The following CFAP100 variants were observed in gnomAD, a reference collection of about 807,000 sequenced individuals.
CFAP100 encodes the protein cilia- and flagella-associated protein 100.
In CFAP100, 70 loss-of-function variants were observed where a neutral mutation model predicts 81.5. The ratio of observed to expected loss-of-function variants is 0.86; its 90% CI spans 0.71 to 1.05. The LOEUF (loss-of-function observed/expected upper bound fraction) is 1.05, where lower values mean the gene tolerates loss of function less well. Ranked by LOEUF, CFAP100 falls within the 50% of genes least tolerant of loss-of-function variation. The pLI is 0.00. For synonymous variants in CFAP100, 341 were observed against 314.8 expected (o/e 1.08, Z -0.88); for missense variants, 811 against 776.5 (o/e 1.04, Z -0.53).
intron 2 of CFAP100, among the ~76,000 whole-genome samples, chr3:126,399,613 T>C (rs1366909874): frequency 6.6e-6 from 1 of 152,104 alleles, no homozygotes; most frequent in Non-Finnish European, 1.5e-5. Context: ...GAATAGCCCA[T>C]AAATGAAGCC....
In CFAP100 at chr3:126,433,126, C is replaced by A; in HGVS notation, c.1344C>A (p.Thr448=). ...QWVTTMMMSI[T]KEEDTAAELE... ...TCACCACAATGATGATGTCCATCAC[C>A]AAGGAGGAGGACACAGCAGCTGAGC... The change falls in exon 14 of 17, where the codon ACC becomes ACA. Residue 448 remains threonine, a synonymous_variant. Transcript: ENST00000352312. 6.2e-7 allele frequency: 1 copy of A among 1,614,226 alleles called. No homozygotes were observed. The highest frequency in any genetic ancestry group is 1.3e-5 in the African/African-American group (1 of 75,056).
intron 13 of CFAP100, among the ~76,000 whole-genome samples, chr3:126,427,323 G>C (rs898571870): frequency 6.6e-6 from 1 of 152,166 alleles, no homozygotes; most frequent in African/African-American, 2.4e-5. Flanking sequence ...AATTGGAATA[G>C]AATAGAGAGC....
At position 126,407,179 on chromosome 3, in the gene CFAP100, C is replaced by T; in HGVS notation, c.57C>T (p.Ser19=). 6.2e-7 allele frequency: 1 copy of T among 1,613,356 alleles called. No individual in the cohort carries two copies. The highest frequency in any genetic ancestry group is 1.3e-5 in the African/African-American group (1 of 75,004). Residue 19 remains serine (S), a synonymous_variant, in exon 3 of 17, where the codon AGC becomes AGT. Transcript: ENST00000352312. ...VSKNMTNDKN[S]LESMNISSSS... is the part of the protein sequence containing the mutation. ...ACTTTTGTGTCTCCTCAGAGAACAG[C>T]CTGGAATCCATGAACATCAGCTCTT...
chr3:126,421,395 G>A (rs545214303), intron 11 of CFAP100, among the ~76,000 whole-genome samples: 1 of 152,338 alleles, frequency 6.6e-6, no homozygotes, highest in South Asian at 2.1e-4. Flanking sequence ...TATAATTGGT[G>A]AATTTGGGGC....
Position 126,418,728 on chromosome 3 carries a change from G to T in CFAP100, c.604G>T (p.Glu202Ter). Residue 202 changes from glutamate (E) to a stop codon, truncating the protein, a stop_gained, in exon 7 of 17, where the codon GAG becomes TAG. Transcript: ENST00000352312. LOFTEE classifies it high-confidence loss of function. The stretch of plus-strand genomic sequence containing the variant: ...GGAGAAGGACGCCGCCTTGTTCGAC[G>T]AGTTCGTCAGGGAGAATGACTGCAG... ...SLEKDAALFD[E>*]FVRENDCSSV... 6.3e-7 allele frequency: 1 copy of T among 1,596,700 alleles called. No individual in the cohort carries two copies. Among genetic ancestry groups the T allele is most frequent in the African/African-American group, 1.3e-5 (1 of 74,598 alleles).
intron 2 of CFAP100, among the ~76,000 whole-genome samples, chr3:126,397,320 C>T (rs1311012536): frequency 6.6e-6 from 1 of 152,200 alleles, no homozygotes; most frequent in Non-Finnish European, 1.5e-5. Context: ...CCCACCATTA[C>T]ACTTAGGTGT....
chr3:126,435,044 G>A (rs1933388128), intron 15 of CFAP100, among the ~76,000 whole-genome samples: 1 of 152,160 alleles, frequency 6.6e-6, no homozygotes, highest in Non-Finnish European at 1.5e-5. Flanking sequence ...CTCTGAGACA[G>A]CGCAATCTGC....
At chr3:126,404,159 C>A (rs1421818617) in intron 2 of CFAP100, among the ~76,000 whole-genome samples, 2 of 152,182 alleles carry the variant, frequency 1.3e-5, no homozygotes, top group African/African-American at 4.8e-5. Context: ...TTAAGAAATG[C>A]AGATGAAAAC....
At chr3:126,408,790 T>C (rs1393130069) in intron 3 of CFAP100, among the ~76,000 whole-genome samples, 2 of 152,082 alleles carry the variant, frequency 1.3e-5, no homozygotes, top group Non-Finnish European at 2.9e-5. Flanking sequence ...CATCTATCCC[T>C]TTCCTTTTTT....
At position 126,422,141 on chromosome 3, in the gene CFAP100, C is replaced by A. The variant is rs544353205; in HGVS notation, c.1083-1184C>A. On this transcript the variant is annotated intron_variant, in intron 11 of 16. Transcript: ENST00000352312. ...AGGCACTCACTCAGCCAAGAGGGAA[C>A]ATGGGGGCTGAAGTCCAGCCCATGC... Among the ~76,000 whole-genome samples, 168 of 152,330 alleles carry A rather than the reference C, an allele frequency of 1.1e-3. 1 individual carries two copies. Among genetic ancestry groups the A allele is most frequent in the African/African-American group, 3.5e-3 (144 of 41,582 alleles).
At chr3:126,407,136 G>A (rs1337374486) in intron 2 of CFAP100, 36 bp from the exon 3 acceptor site, 4 of 1,494,384 alleles carry the variant, frequency 2.7e-6, no homozygotes, top group Non-Finnish European at 3.7e-6. Context: ...GGCCAGGGGA[G>A]TCACTGCTGC....
intron 2 of CFAP100, among the ~76,000 whole-genome samples, chr3:126,406,472 G>C (rs1010471656): frequency 9.2e-5 from 14 of 152,330 alleles, no homozygotes; most frequent in Non-Finnish European, 2.1e-4. Context: ...GGATCTCCGA[G>C]CTGCAAAGTA....
rs964804169 is a variant in CFAP100, at chr3:126,397,744, G to A, written c.49+1695G>A. Among the ~76,000 whole-genome samples the A allele has an allele frequency of 3.3e-5, 5 of 152,370 alleles. No individual in the cohort carries two copies. In the East Asian group the frequency reaches 9.7e-4, roughly 29 times the overall value. ...GGACCTGGCCAGGGGCTTCAGTCAA[G>A]AGGACTGCTGAGCTCTGTGTCCTGG... is the stretch of plus-strand genomic sequence containing the variant. On this transcript the variant is annotated intron_variant, in intron 2 of 16. Coordinates refer to ENST00000352312, the MANE Select transcript of CFAP100 (RefSeq NM_182628.3).
chr3:126,416,413 T>TGGAGGACAAGCA lies in CFAP100; in HGVS notation c.331_342dup (p.Lys111_Asp114dup), dbSNP rs749837012. On this transcript the variant is annotated inframe_insertion, in exon 5 of 17. Transcript: ENST00000352312. ...ACCAGCCTGCGGCGGCAGCTGCAGC[T>TGGAGGACAAGCA]GGAGGACAAGCAGGAGGACCTGGAG... is the stretch of plus-strand genomic sequence containing the variant. The TGGAGGACAAGCA allele has an allele frequency of 3.2e-5, 51 of 1,611,856 alleles. No individual in the cohort carries two copies. The African/African-American group carries it at 5.3e-4, about 17-fold the overall frequency.
chr3:126,426,708 C>T (rs1485238054), intron 13 of CFAP100, among the ~76,000 whole-genome samples: 1 of 152,142 alleles, frequency 6.6e-6, no homozygotes, highest in East Asian at 1.9e-4. Flanking sequence ...TGAGATCGCA[C>T]CACTGCACTC....
chr3:126,424,431 G>T (rs999912906), intron 13 of CFAP100, among the ~76,000 whole-genome samples: 2 of 152,248 alleles, frequency 1.3e-5, no homozygotes, highest in African/African-American at 2.4e-5. Flanking sequence ...TCAGGTGGCT[G>T]CCCAGCTCTC....
At chr3:126,402,696 G>A (rs527931570) in intron 2 of CFAP100, among the ~76,000 whole-genome samples, 11 of 152,182 alleles carry the variant, frequency 7.2e-5, no homozygotes, top group African/African-American at 2.4e-4. Flanking sequence ...GCTAATCCGA[G>A]GGGGAGGGGA....
intron 2 of CFAP100, 121 bp downstream of exon 2, chr3:126,396,170 T>A (rs2082885892): frequency 2.6e-6 from 2 of 758,430 alleles, no homozygotes; most frequent in African/African-American, 3.4e-5. Context: ...TAGATCTGCC[T>A]ACTTCCCTTG....
chr3:126,401,715 G>A (rs2082986563), intron 2 of CFAP100, among the ~76,000 whole-genome samples: 1 of 151,932 alleles, frequency 6.6e-6, no homozygotes, highest in Non-Finnish European at 1.5e-5. Flanking sequence ...GGAGGGAGGT[G>A]TGGGTGTGCC....
Sources: allele counts gnomAD v4.1 joint callset (sites outside exome capture counted in the v4.1 genomes callset), GRCh38; gene constraint gnomAD v4.1.1; transcripts MANE v1.5; gene names NCBI Gene and HGNC (gene_info 2026-07-23, HGNC 2026-07-21).